GPATCH2L: variants seen among roughly 807,000 people sequenced by gnomAD.
The protein encoded by GPATCH2L is G-patch domain containing 2 like.
Under a neutral mutation model 57.4 loss-of-function variants are expected in GPATCH2L, and 31 were observed. The observed-to-expected ratio is 0.54, with a 90% CI of 0.41 to 0.73. The LOEUF (loss-of-function observed/expected upper bound fraction) is 0.73. Among genes scored for constraint, GPATCH2L ranks in the 30% least tolerant of loss-of-function variants. The pLI is 0.00. For synonymous variants in GPATCH2L, 199 were observed against 210.7 expected (o/e 0.94, Z 0.48); for missense variants, 481 against 599.9 (o/e 0.80, Z 2.07).
At position 76,195,820 on chromosome 14, in the gene GPATCH2L, A is replaced by G. The variant is rs1318792755; in HGVS notation, c.1194-58A>G. 7.9e-6 allele frequency: 10 copies of G among 1,263,896 alleles called. No individual in the cohort carries two copies. The Admixed American group carries it at 1.2e-4, about 15-fold the overall frequency. 78.3% of individuals were successfully genotyped at this position (1,263,896 alleles called of 1,614,324 possible). On this transcript the variant is annotated intron_variant, in intron 8 of 9. Coordinates refer to ENST00000261530, the MANE Select transcript of GPATCH2L (RefSeq NM_017926.4). Reference sequence around the variant, plus strand: ...AAGGATTTAATCTGGGCTACATGTAATGTCTTACAATAAGAATTAAAAAGT... The same window carrying G: ...AAGGATTTAATCTGGGCTACATGTAGTGTCTTACAATAAGAATTAAAAAGT...
At chr14:76,199,544 T>C (rs2040253551) in intron 9 of GPATCH2L, among the ~76,000 whole-genome samples, 1 of 152,210 alleles carries the variant, frequency 6.6e-6, no homozygotes, top group Non-Finnish European at 1.5e-5. Flanking sequence ...TTGGATTGTA[T>C]TCCTGTTTTA....
chr14:76,233,331 G>T (rs1235640850), intron 2 of GPATCH2L, among the ~76,000 whole-genome samples: 1 of 152,170 alleles, frequency 6.6e-6, no homozygotes, highest in Non-Finnish European at 1.5e-5. Context: ...CATGCAATGG[G>T]CATTGTCATT....
chr14:76,227,036 TC>T (rs2139871254), intron 1 of GPATCH2L, among the ~76,000 whole-genome samples: 1 of 152,320 alleles, frequency 6.6e-6, no homozygotes, highest in Admixed American at 6.5e-5. Context: ...CAATCCCAGC[TC>T]TGCTTTAAGC....
chr14:76,199,260 G>T (rs1594994475), intron 9 of GPATCH2L, among the ~76,000 whole-genome samples: 1 of 151,614 alleles, frequency 6.6e-6, no homozygotes, highest in South Asian at 2.1e-4. Context: ...TATTCTGATT[G>T]TTTTTTATCG....
At chr14:76,178,065 AT>A in intron 7 of GPATCH2L, 23 bp downstream of exon 7, 1 of 1,574,392 alleles carries the variant, frequency 6.4e-7, no homozygotes, top group South Asian at 1.1e-5. Flanking sequence ...CTTTCTTGTT[AT>A]TTTGATTTTC....
intron 4 of GPATCH2L, among the ~76,000 whole-genome samples, chr14:76,172,322 G>T (rs1263163983): frequency 6.6e-6 from 1 of 152,160 alleles, no homozygotes; most frequent in African/African-American, 2.4e-5. Context: ...AAACTAAGAG[G>T]TTATTGAGTA....
At chr14:76,214,384 T>C (rs1429579391), downstream of GPATCH2L, 1 of 152,242 alleles carries the variant, frequency 6.6e-6, no homozygotes, top group African/African-American at 2.4e-5. Flanking sequence ...AACTGGTTAT[T>C]GCTCTCTATA....
chr14:76,183,993 C>A (rs2039670268), intron 8 of GPATCH2L, among the ~76,000 whole-genome samples: 1 of 150,528 alleles, frequency 6.6e-6, no homozygotes, highest in Non-Finnish European at 1.5e-5. Context: ...ACCTGGGCAG[C>A]ATTGGAAATT....
intron 8 of GPATCH2L, among the ~76,000 whole-genome samples, chr14:76,195,572 G>A (rs996774259): frequency 6.6e-6 from 1 of 152,078 alleles, no homozygotes; most frequent in South Asian, 2.1e-4. Context: ...GAGCAATTGT[G>A]GTTATAGTTT....
chr14:76,164,871 T>G (rs1358138227), intron 2 of GPATCH2L, among the ~76,000 whole-genome samples: 1 of 152,220 alleles, frequency 6.6e-6, no homozygotes, highest in Admixed American at 6.5e-5. Flanking sequence ...TGTCAGAAAG[T>G]AGATGCCATG....
At chr14:76,177,910 T>TGGGAAAAGAGAACGAAATCA in intron 6 of GPATCH2L, 78 bp from the exon 7 acceptor site, 1 of 1,599,630 alleles carries the variant, frequency 6.3e-7, no homozygotes, top group Non-Finnish European at 8.6e-7. Context: ...TACCATCAGC[T>TGGGAAAAGAGAACGAAATCA]GGGAAAAGAG....
intron 8 of GPATCH2L, among the ~76,000 whole-genome samples, chr14:76,191,185 G>A (rs986649400): frequency 6.6e-6 from 1 of 152,018 alleles, no homozygotes; most frequent in African/African-American, 2.4e-5. Flanking sequence ...CATTTTGAGA[G>A]TAAACAGTGA....
chr14:76,207,802 CTAATCT>C lies in GPATCH2L; in HGVS notation c.*5955_*5960del, dbSNP rs1199712004. ...ATTCAGCATTTCAGAATATGGTACT[CTAATCT>C]TAAGGCTTTGAAAAGAAACCATGGC... On this transcript the variant is annotated 3_prime_UTR_variant, in exon 10 of 10. Coordinates refer to ENST00000261530, the MANE Select transcript of GPATCH2L (RefSeq NM_017926.4). 1 of 152,180 alleles carries C rather than the reference CTAATCT, an allele frequency of 6.6e-6. No homozygotes were observed. Among genetic ancestry groups the C allele is most frequent in the East Asian group, 1.9e-4 (1 of 5,202 alleles). 9.4% of individuals were successfully genotyped at this position (152,180 alleles called of 1,614,324 possible).
intron 4 of GPATCH2L, among the ~76,000 whole-genome samples, chr14:76,172,313 A>G (rs945296302): frequency 3.3e-5 from 5 of 152,238 alleles, no homozygotes; most frequent in Non-Finnish European, 5.9e-5. Flanking sequence ...CCTGATGTGA[A>G]ACTAAGAGGT....
rs778609402 is a variant in GPATCH2L, at chr14:76,173,521, T to C, written c.905-25T>C. ...GCATATGGATTTTCTGCATTCGGTA[T>C]CTGAGGCCTTCCTTCTTTTTTTAGG... On this transcript the variant is annotated intron_variant, in intron 4 of 9. Transcript: ENST00000261530. The C allele has an allele frequency of 2.6e-6, 4 of 1,520,064 alleles. No individual in the cohort carries two copies. In the African/African-American group the frequency reaches 5.5e-5, roughly 21 times the overall value. The allele number at this position is 1,520,064 out of a possible 1,614,324, so 94.2% of individuals were successfully genotyped here. A position where few individuals can be genotyped will look rare whatever the true frequency, so the allele number is the denominator to read the frequency against.
chr14:76,231,344 G>T (rs140070056), intron 2 of GPATCH2L, among the ~76,000 whole-genome samples: 154 of 152,150 alleles, frequency 1.0e-3, no homozygotes, highest in African/African-American at 3.5e-3. Flanking sequence ...GCTGCCTGTC[G>T]CCCTGCTCAG....
At chr14:76,162,531 G>C (rs2038641296) in intron 2 of GPATCH2L, among the ~76,000 whole-genome samples, 1 of 152,170 alleles carries the variant, frequency 6.6e-6, no homozygotes, top group Admixed American at 6.5e-5. Flanking sequence ...TAGGAGGCTG[G>C]GTAATTGGGA....
chr14:76,216,932 G>A (rs2040492510), downstream of GPATCH2L, among the ~76,000 whole-genome samples: 1 of 152,104 alleles, frequency 6.6e-6, no homozygotes, highest in Admixed American at 6.6e-5. Flanking sequence ...GGAAAAGATG[G>A]ATTATAAAAA....
chr14:76,177,540 A>AT, intron 6 of GPATCH2L, among the ~76,000 whole-genome samples: 1 of 152,058 alleles, frequency 6.6e-6, no homozygotes. Context: ...CTAATTTTAC[A>AT]TAGAAAATAA....
Sources: gnomAD v4.1 joint callset for allele counts (sites outside exome capture counted in the v4.1 genomes callset) on GRCh38, gnomAD v4.1.1 for gene constraint, MANE v1.5 for transcripts, NCBI Gene and HGNC (gene_info 2026-07-23, HGNC 2026-07-21) for gene names.